Variants in RNF39 observed in about 807,000 individuals in gnomAD.
RNF39 encodes ring finger protein 39, also known as LTP (long-term potentiation) induced RING finger protein.
In RNF39, 25 loss-of-function variants were observed where a neutral mutation model predicts 29.2. The ratio of observed to expected loss-of-function variants is 0.86; its 90% CI spans 0.62 to 1.20. RNF39 has a LOEUF of 1.20. Ranked by LOEUF, RNF39 falls within the 50% of genes most tolerant of loss-of-function variation. The pLI is 0.00. For missense variants in RNF39, 519 were observed against 515.0 expected, an observed-to-expected ratio of 1.01 and a Z score of -0.08; for synonymous variants, 219 against 229.0, an observed-to-expected ratio of 0.96 and a Z score of 0.40.
At position 30,074,572 on chromosome 6, in the gene RNF39, G is replaced by A. The variant is rs9261302; in HGVS notation, c.363+651C>T. On this transcript the variant is annotated intron_variant, in intron 1 of 3. Transcript: ENST00000244360. The surrounding 1 kb of genome is among the most constrained non-coding windows in gnomAD (Gnocchi z 4.1). Reference sequence around the variant, plus strand: ...GAAATAACAATAACAAACAACACAGGGCTTAGCTTGAGCCAGAGTCCGAGA... The same window carrying A: ...GAAATAACAATAACAAACAACACAGAGCTTAGCTTGAGCCAGAGTCCGAGA... Among the ~76,000 whole-genome samples the A allele has an allele frequency of 0.17, 25,866 of 151,660 alleles. 2,724 individuals are homozygous for A. Among genetic ancestry groups the A allele is most frequent in the African/African-American group, 0.27 (11,329 of 41,254 alleles).
In RNF39 at chr6:30,071,339, C is replaced by T; in HGVS notation, c.831G>A (p.Trp277Ter). The T allele has an allele frequency of 6.8e-7, 1 of 1,462,846 alleles. No individual in the cohort carries two copies. Among genetic ancestry groups the T allele is most frequent in the Non-Finnish European group, 9.0e-7 (1 of 1,114,610 alleles). 90.6% of individuals were successfully genotyped at this position (1,462,846 alleles called of 1,614,324 possible). Residue 277 changes from tryptophan (W) to a stop codon, truncating the protein, a stop_gained, in exon 4 of 4, where the codon TGG becomes TGA. Transcript: ENST00000244360. LOFTEE classifies it high-confidence loss of function. This position sits in a 1 kb window ranked among gnomAD's most constrained non-coding sequence, Gnocchi z 5.0. ...GGGTGGGTTCGGGTGCCGTGAGGGCCCACAGGCGGCCGCCGCGGCCCTCCA... is the reference window on the plus strand; with the variant it reads ...GGGTGGGTTCGGGTGCCGTGAGGGCTCACAGGCGGCCGCCGCGGCCCTCCA... The part of the protein sequence containing the change: ...WAVEGRGGRL[W>*]ALTAPEPTLL...
Position 30,075,239 on chromosome 6 carries a change from A to G in RNF39, c.347T>C (p.Leu116Pro), listed in dbSNP as rs780002534. The G allele has an allele frequency of 6.3e-7, 1 of 1,596,046 alleles. No homozygotes were observed. The highest frequency in any genetic ancestry group is 8.5e-7 in the Non-Finnish European group (1 of 1,176,386). Residue 116 changes from leucine (L) to proline (P), a missense_variant, in exon 1 of 4, where the codon CTG becomes CCG. By Grantham distance (98) the Leu-to-Pro change is moderately conservative. Coordinates refer to ENST00000244360, the MANE Select transcript of RNF39 (RefSeq NM_025236.4). ...RGGRIPTMGC[L>P]DLPGEDMRKT... ...CAGCCTCACCTCTCCGGGCAGGTCC[A>G]GGCAGCCCATGGTGGGGATGCGCCC... is the stretch of plus-strand genomic sequence containing the variant.
At position 30,075,468 on chromosome 6, in the gene RNF39, A is replaced by C. The variant is rs1398230189; in HGVS notation, c.118T>G (p.Cys40Gly). 1.3e-6 allele frequency: 2 copies of C among 1,551,038 alleles called. No homozygotes were observed. The highest frequency in any genetic ancestry group is 1.9e-5 in the Admixed American group (1 of 51,802). The change falls in exon 1 of 4, where the codon TGC becomes GGC. Residue 40 changes from cysteine to glycine, a missense_variant. Coordinates refer to ENST00000244360, the MANE Select transcript of RNF39 (RefSeq NM_025236.4). The stretch of plus-strand genomic sequence containing the variant: ...CAGCGGCGGGCCAGACACGCGCGGC[A>C]GAAGCTGTGCTCGCACGCCAGAAGC... ...PVLLACEHSF[C>G]RACLARRWGT... is the part of the protein sequence containing the mutation.
In RNF39 at chr6:30,075,296, T is replaced by G. The variant is rs1288782161; in HGVS notation, c.290A>C (p.Glu97Ala). 6.3e-7 allele frequency: 1 copy of G among 1,598,948 alleles called. No homozygotes were observed. The highest frequency in any genetic ancestry group is 2.2e-5 in the East Asian group (1 of 44,448). The stretch of plus-strand genomic sequence containing the variant: ...GCGTCTCCCCGCACGGGCCCCAGGC[T>G]CAGCCAGCTTCTCTCGCAGCTCGCG... The part of the protein sequence containing the change: ...ISRELREKLA[E>A]PGARAGRRRG... The change falls in exon 1 of 4, where the codon GAG becomes GCG. Residue 97 changes from glutamate to alanine, a missense_variant. By Grantham distance (107) the Glu-to-Ala change is moderately radical (BLOSUM62 -1). Transcript: ENST00000244360.
chr6:30,071,591 AG>A lies in RNF39; in HGVS notation c.578del (p.Pro193LeufsTer66). 6.8e-7 allele frequency: 1 copy of A among 1,469,528 alleles called. No homozygotes were observed. Among genetic ancestry groups the A allele is most frequent in the Non-Finnish European group, 8.9e-7 (1 of 1,117,608 alleles). 91.0% of individuals were successfully genotyped at this position (1,469,528 alleles called of 1,614,324 possible). A position where few individuals can be genotyped will look rare whatever the true frequency, so the allele number is the denominator to read the frequency against. ...QLAPPGTPAPPDGPKRFDQLP... is the reference protein window; with the variant it reads ...QLAPPGTPAPXDGPKRFDQLP... ...GCTGATCGAAGCGCTTGGGGCCGTC[AG>A]GGGGCGCGGGCGTCCCTGGTGGGGC... is the stretch of plus-strand genomic sequence containing the variant. On this transcript the variant is annotated frameshift_variant, in exon 4 of 4. Transcript: ENST00000244360. LOFTEE classifies it high-confidence loss of function. This position sits in a 1 kb window ranked among gnomAD's most constrained non-coding sequence, Gnocchi z 5.0.
In RNF39 at chr6:30,072,656, C is replaced by T. The variant is rs1766082766; in HGVS notation, c.478+501G>A. On this transcript the variant is annotated intron_variant, in intron 3 of 3. Transcript: ENST00000244360. The surrounding 1 kb of genome is among the most constrained non-coding windows in gnomAD (Gnocchi z 4.5). The stretch of plus-strand genomic sequence containing the variant: ...ATTGTTATAGGCTGAACTGTGCCCT[C>T]CCCCACTCCACACACACACACAAAG... Among the ~76,000 whole-genome samples the T allele has an allele frequency of 6.7e-6, 1 of 148,974 alleles. No homozygotes were observed. Among genetic ancestry groups the T allele is most frequent in the African/African-American group, 2.6e-5 (1 of 39,204 alleles).
chr6:30,073,412 T>A lies in RNF39; in HGVS notation c.386+44A>T. The A allele has an allele frequency of 1.9e-6, 3 of 1,613,566 alleles. No individual in the cohort carries two copies. In the South Asian group the frequency reaches 3.3e-5, roughly 18 times the overall value. ...GGGCCCAGTGAGAACGTGATGGCTA[T>A]GGCAGCTGGTGAGAAAAGGAGGGAA... On this transcript the variant is annotated intron_variant, in intron 2 of 3. Transcript: ENST00000244360.
At chr6:30,073,047 G>A in intron 3 of RNF39, 110 bp downstream of exon 3, 1 of 767,050 alleles carries the variant, frequency 1.3e-6, no homozygotes, top group Non-Finnish European at 2.3e-6. Context: ...GCAGTACTAG[G>A]AAACTAATGC....
intron 1 of RNF39, 102 bp downstream of exon 1, chr6:30,075,121 C>T (rs781685098): frequency 7.4e-5 from 94 of 1,276,476 alleles, no homozygotes; most frequent in Non-Finnish European, 9.3e-5. Flanking sequence ...CCATCCTTTG[C>T]CTAAACTTCC....
chr6:30,075,729 C>T lies in RNF39; in HGVS notation c.-144G>A. ...TTAACTTTTGCCGCTTTCCGCCCCT[C>T]TCCTGGGATTGCCTCTCTCTTCAAC... is the stretch of plus-strand genomic sequence containing the variant. On this transcript the variant is annotated 5_prime_UTR_variant, in exon 1 of 4. Coordinates refer to ENST00000244360, the MANE Select transcript of RNF39 (RefSeq NM_025236.4). 6.2e-7 allele frequency: 1 copy of T among 1,614,264 alleles called. No homozygotes were observed. Among genetic ancestry groups the T allele is most frequent in the Non-Finnish European group, 8.5e-7 (1 of 1,180,048 alleles).
At position 30,073,470 on chromosome 6, in the gene RNF39, C is replaced by T. The variant is rs923692826; in HGVS notation, c.372G>A (p.Arg124=). 1 of 1,613,930 alleles carries T rather than the reference C, an allele frequency of 6.2e-7. No individual in the cohort carries two copies. The highest frequency in any genetic ancestry group is 1.3e-5 in the African/African-American group (1 of 74,894). Residue 124 remains arginine, a synonymous_variant, in exon 2 of 4, where the codon AGG becomes AGA. Transcript: ENST00000244360. ...GCLDLPGEDM[R]KTWRRFEVPT... ...GTGGAACTCACCGTCTCCATGTCTT[C>T]CTCATATCCTAGGATGGGCAGAAAC... is the stretch of plus-strand genomic sequence containing the variant.
In RNF39 at chr6:30,071,169, G is replaced by A. The variant is rs760758281; in HGVS notation, c.1001C>T (p.Pro334Leu). Residue 334 changes from proline to leucine, a missense_variant, in exon 4 of 4, where the codon CCG (proline) becomes CTG (leucine). By Grantham distance (98) the Pro-to-Leu change is moderately conservative. Coordinates refer to ENST00000244360, the MANE Select transcript of RNF39 (RefSeq NM_025236.4). This position sits in a 1 kb window ranked among gnomAD's most constrained non-coding sequence, Gnocchi z 5.0. ...ACGAGGGTCGCAGGTGCAGAACAGC[G>A]GGAAGATGCGCTCCCCCAGGGGGCC... ...APGPLGERIFPLFCTCDPRAP... is the reference protein window; with the variant it reads ...APGPLGERIFLLFCTCDPRAP... 1 of 1,526,950 alleles carries A rather than the reference G, an allele frequency of 6.5e-7. No individual in the cohort carries two copies. The highest frequency in any genetic ancestry group is 1.8e-4 in the Middle Eastern group (1 of 5,664). The allele number at this position is 1,526,950 out of a possible 1,614,324, so 94.6% of individuals were successfully genotyped here.
rs1766068497 is a variant in RNF39, at chr6:30,072,494, C to T, written c.478+663G>A. Among the ~76,000 whole-genome samples, 1 of 151,938 alleles carries T rather than the reference C, an allele frequency of 6.6e-6. No individual in the cohort carries two copies. Among genetic ancestry groups the T allele is most frequent in the Non-Finnish European group, 1.5e-5 (1 of 67,976 alleles). On this transcript the variant is annotated intron_variant, in intron 3 of 3. Transcript: ENST00000244360. The surrounding 1 kb of genome is among the most constrained non-coding windows in gnomAD (Gnocchi z 4.5). Reference sequence around the variant, plus strand: ...AGAAGGGTCAAGGAGATGCTGGGGTCCCCTTCCAGGGAGGAGTGACGAGAG... The same window carrying T: ...AGAAGGGTCAAGGAGATGCTGGGGTTCCCTTCCAGGGAGGAGTGACGAGAG...
intron 1 of RNF39, 58 bp downstream of exon 1, chr6:30,075,165 G>T (rs1212036543): frequency 1.5e-5 from 22 of 1,487,224 alleles, no homozygotes; most frequent in Non-Finnish European, 6.3e-6. Context: ...GCCATTCCCG[G>T]CTTCCCCGGG....
rs1296690588 is a variant in RNF39, at chr6:30,074,798, G to C, written c.363+425C>G. The stretch of plus-strand genomic sequence containing the variant: ...ACCCCTCCTCACCCTCAGCTGGGTC[G>C]GCTCTCCCTTCCGCCCGCCGCTCCC... On this transcript the variant is annotated intron_variant, in intron 1 of 3. Transcript: ENST00000244360. The surrounding 1 kb of genome is among the most constrained non-coding windows in gnomAD (Gnocchi z 4.1). 6.6e-6 allele frequency among the ~76,000 whole-genome samples: 1 copy of C among 151,738 alleles called. No homozygotes were observed. The highest frequency in any genetic ancestry group is 2.0e-4 in the East Asian group (1 of 5,116).
chr6:30,075,570 G>T lies in RNF39; in HGVS notation c.16C>A (p.Leu6Met). The T allele has an allele frequency of 6.2e-7, 1 of 1,606,528 alleles. No homozygotes were observed. Residue 6 changes from leucine (L) to methionine (M), a missense_variant, in exon 1 of 4, where the codon CTG (leucine) becomes ATG (methionine). Transcript: ENST00000244360. ...AGACGCTCCACCAGCCCCGGGCCCA[G>T]CTCGGGCGCATCCATGGAAAGCCAG... MDAPE[L>M]GPGLVERLEQ...
chr6:30,073,751 G>A (rs899050600), intron 1 of RNF39, among the ~76,000 whole-genome samples: 1 of 151,840 alleles, frequency 6.6e-6, no homozygotes, highest in Non-Finnish European at 1.5e-5. Flanking sequence ...ACTCCCCAAG[G>A]GTTCTCAATT....
chr6:30,070,767 C>T lies in RNF39; in HGVS notation c.*344G>A, dbSNP rs980505888. The T allele has an allele frequency of 1.8e-6, 1 of 548,076 alleles. No homozygotes were observed. The highest frequency in any genetic ancestry group is 3.5e-6 in the Non-Finnish European group (1 of 286,390). 34.0% of individuals were successfully genotyped at this position (548,076 alleles called of 1,614,324 possible). On this transcript the variant is annotated 3_prime_UTR_variant, in exon 4 of 4. Coordinates refer to ENST00000244360, the MANE Select transcript of RNF39 (RefSeq NM_025236.4). Reference sequence around the variant, plus strand: ...GTCAAGTATTTGACCAGCAGAGCCTCTATGTAGGAATCATGGTCACTTTAC... The same window carrying T: ...GTCAAGTATTTGACCAGCAGAGCCTTTATGTAGGAATCATGGTCACTTTAC...
chr6:30,070,954 G>A lies in RNF39; in HGVS notation c.*157C>T. ...CAGGGACGTGGAAACGTGGAGACCA[G>A]GTGAGGTCTCATTATTTTGGGGCGA... On this transcript the variant is annotated 3_prime_UTR_variant, in exon 4 of 4. Transcript: ENST00000244360. The A allele has an allele frequency of 1.3e-6, 1 of 742,566 alleles. No homozygotes were observed. Among genetic ancestry groups the A allele is most frequent in the Non-Finnish European group, 2.4e-6 (1 of 415,330 alleles). 46.0% of individuals were successfully genotyped at this position (742,566 alleles called of 1,614,324 possible). A position where few individuals can be genotyped will look rare whatever the true frequency, so the allele number is the denominator to read the frequency against.
Sources: gnomAD v4.1 joint callset for allele counts (sites outside exome capture counted in the v4.1 genomes callset) on GRCh38, gnomAD v4.1.1 for gene constraint, Gnocchi (gnomAD v3.1) non-coding constraint, MANE v1.5 for transcripts, NCBI Gene and HGNC (gene_info 2026-07-23, HGNC 2026-07-21) for gene names.